ADGB: variants seen among roughly 807,000 people sequenced by gnomAD.
ADGB encodes androglobin, also known as calpain-7-like protein.
In ADGB, 172 loss-of-function variants were observed where a neutral mutation model predicts 210.5. The ratio of observed to expected loss-of-function variants is 0.82; its 90% CI spans 0.72 to 0.93. The LOEUF is 0.93. Among genes scored for constraint, ADGB ranks in the 40% least tolerant of loss-of-function variants. The pLI, the probability that ADGB is intolerant of heterozygous loss-of-function variation, is 0.00. For missense variants in ADGB, 2,025 were observed against 1,964.8 expected (o/e 1.03, Z -0.58); for synonymous variants, 658 against 662.7 (o/e 0.99, Z 0.11).
chr6:146,698,824 T>G (rs548940565), intron 12 of ADGB, among the ~76,000 whole-genome samples: 22 of 152,242 alleles, frequency 1.4e-4, no homozygotes, highest in African/African-American at 5.1e-4. Context: ...TTGAGGCAAG[T>G]GGTGCCTCTT....
At chr6:146,643,836 G>A (rs188905840) in intron 2 of ADGB, among the ~76,000 whole-genome samples, 1 of 151,938 alleles carries the variant, frequency 6.6e-6, no homozygotes, top group Admixed American at 6.6e-5. Context: ...ACAAACTATT[G>A]ATACCTGAAA....
At chr6:146,636,836 G>T (rs1279581824) in intron 2 of ADGB, among the ~76,000 whole-genome samples, 2 of 151,972 alleles carry the variant, frequency 1.3e-5, no homozygotes, top group Non-Finnish European at 2.9e-5. Context: ...CTTTTATTAA[G>T]ATTAATTTCC....
intron 32 of ADGB, among the ~76,000 whole-genome samples, chr6:146,785,934 C>A (rs527406718): frequency 4.5e-4 from 69 of 152,028 alleles, no homozygotes; most frequent in African/African-American, 1.7e-3. Context: ...ACATCTCCCC[C>A]TTCACACACA....
chr6:146,728,657 ACT>A lies in ADGB; in HGVS notation c.2441_2442del (p.Ser814CysfsTer17). ...VIANFKDKGK[L>X]SAALKDLQTA... ...TTGCTAATTTCAAAGATAAGGGTAA[ACT>A]CTCTGCAGCTTTGAAGGATCTGCAA... On this transcript the variant is annotated frameshift_variant, in exon 20 of 36. Coordinates refer to ENST00000397944, the MANE Select transcript of ADGB (RefSeq NM_024694.4). LOFTEE classifies it high-confidence loss of function. The A allele has an allele frequency of 6.4e-7, 1 of 1,551,536 alleles. No individual in the cohort carries two copies. The highest frequency in any genetic ancestry group is 8.7e-7 in the Non-Finnish European group (1 of 1,146,908).
rs781088837 is a variant in ADGB at position 146,726,194 on chromosome 6, A to G, written c.2349A>G (p.Glu783=). Residue 783 remains glutamate, a synonymous_variant, in exon 19 of 36, where the codon GAA becomes GAG. Transcript: ENST00000397944. ...GDEHVVLPNF[E]PESCRFTEQS... ...AACACGTTGTACTGCCCAACTTTGAACCAGTAAGTATTTTTGCAACAGCAA... is the reference window on the plus strand; with the variant it reads ...AACACGTTGTACTGCCCAACTTTGAGCCAGTAAGTATTTTTGCAACAGCAA... The G allele has an allele frequency of 1.3e-6, 2 of 1,536,220 alleles. No individual in the cohort carries two copies. Among genetic ancestry groups the G allele is most frequent in the South Asian group, 1.2e-5 (1 of 83,616 alleles).
chr6:146,803,356 T>C (rs1374003691), intron 35 of ADGB: 7 of 1,606,508 alleles, frequency 4.4e-6, no homozygotes, highest in Non-Finnish European at 6.0e-6. Context: ...TATGTTCGAC[T>C]GTCATGGTGT....
chr6:146,743,901 C>T (rs922663770), intron 25 of ADGB, among the ~76,000 whole-genome samples: 20 of 146,684 alleles, frequency 1.4e-4, no homozygotes, highest in African/African-American at 4.7e-4. Flanking sequence ...GTGACAAGAG[C>T]GAAACTCCAT....
At chr6:146,666,767 T>G (rs746613626) in intron 6 of ADGB, 49 bp from the exon 7 acceptor site, 2 of 1,130,752 alleles carry the variant, frequency 1.8e-6, no homozygotes, top group Non-Finnish European at 1.3e-6. Flanking sequence ...TATATCTTTA[T>G]GTGTTTTCAA....
At chr6:146,761,390 C>T (rs1344804772) in intron 27 of ADGB, among the ~76,000 whole-genome samples, 1 of 151,938 alleles carries the variant, frequency 6.6e-6, no homozygotes, top group African/African-American at 2.4e-5. Flanking sequence ...AGTCAAAAGT[C>T]ACTTAACCAT....
At chr6:146,614,654 G>T (rs962204620) in intron 1 of ADGB, among the ~76,000 whole-genome samples, 1 of 152,102 alleles carries the variant, frequency 6.6e-6, no homozygotes, top group Non-Finnish European at 1.5e-5. Context: ...ATCAAGTCAA[G>T]GTAATTAGGA....
intron 1 of ADGB, among the ~76,000 whole-genome samples, chr6:146,634,542 C>G (rs1775372114): frequency 6.6e-6 from 1 of 151,842 alleles, no homozygotes; most frequent in African/African-American, 2.4e-5. Context: ...CTTTAAAAAT[C>G]ATGAAAATGA....
At chr6:146,659,807 T>C (rs1220167572) in intron 5 of ADGB, among the ~76,000 whole-genome samples, 1 of 152,098 alleles carries the variant, frequency 6.6e-6, no homozygotes, top group Non-Finnish European at 1.5e-5. Flanking sequence ...ATGGCAGCAT[T>C]CCTTTGGGCC....
chr6:146,693,943 A>C (rs1170834746), intron 12 of ADGB, among the ~76,000 whole-genome samples: 1 of 152,078 alleles, frequency 6.6e-6, no homozygotes, highest in African/African-American at 2.4e-5. Context: ...GGCCTTTACT[A>C]TCCATATTTC....
chr6:146,714,703 C>A (rs1330734288), intron 13 of ADGB, among the ~76,000 whole-genome samples: 1 of 152,164 alleles, frequency 6.6e-6, no homozygotes, highest in African/African-American at 2.4e-5. Flanking sequence ...GCTCAGATAC[C>A]TGCTAATTGC....
chr6:146,801,993 T>A lies in ADGB; in HGVS notation c.4800T>A (p.Asp1600Glu). The A allele has an allele frequency of 6.5e-7, 1 of 1,548,466 alleles. No homozygotes were observed. The highest frequency in any genetic ancestry group is 8.7e-7 in the Non-Finnish European group (1 of 1,145,790). The stretch of plus-strand genomic sequence containing the variant: ...TGAAGTTAAAGGATGAAGTCCTGGA[T>A]ATGTATAAGGAAATGCAGGTGAGTC... The part of the protein sequence containing the change: ...ERLKLKDEVL[D>E]MYKEMQDSLD... Residue 1600 changes from aspartate to glutamate, a missense_variant, in exon 35 of 36, where the codon GAT becomes GAA. Transcript: ENST00000397944.
chr6:146,744,318 A>T (rs1212123207), intron 25 of ADGB, among the ~76,000 whole-genome samples: 1 of 152,196 alleles, frequency 6.6e-6, no homozygotes, highest in Non-Finnish European at 1.5e-5. Context: ...TTTGTGGCTA[A>T]TTCTGCCCAG....
At chr6:146,772,618 A>G (rs1350555218) in intron 29 of ADGB, among the ~76,000 whole-genome samples, 5 of 147,328 alleles carry the variant, frequency 3.4e-5, no homozygotes, top group East Asian at 3.9e-4. Flanking sequence ...AATATATATT[A>G]TATATTATAT....
At chr6:146,778,851 A>G (rs1562298601) in intron 29 of ADGB, among the ~76,000 whole-genome samples, 2 of 152,208 alleles carry the variant, frequency 1.3e-5, no homozygotes, top group African/African-American at 4.8e-5. Context: ...TGAAAATGGC[A>G]GGGTAAGAAC....
At chr6:146,677,221 G>A (rs926833105) in intron 9 of ADGB, among the ~76,000 whole-genome samples, 3 of 152,056 alleles carry the variant, frequency 2.0e-5, no homozygotes, top group Non-Finnish European at 4.4e-5. Context: ...AAATGATACC[G>A]CAACCTATTC....
Sources: gnomAD v4.1 joint callset for allele counts (sites outside exome capture counted in the v4.1 genomes callset) on GRCh38, gnomAD v4.1.1 for gene constraint, MANE v1.5 for transcripts, NCBI Gene and HGNC (gene_info 2026-07-23, HGNC 2026-07-21) for gene names.